Variants in TWNK observed in about 807,000 individuals in gnomAD.
TWNK encodes the protein twinkle mtDNA helicase.
In TWNK, 36 loss-of-function variants were observed where a neutral mutation model predicts 58.2. The observed-to-expected ratio is 0.62, with a 90% CI of 0.47 to 0.82. TWNK has a LOEUF of 0.82. TWNK is among the 40% of genes least tolerant of loss of function. TWNK has a pLI of 0.00. For synonymous variants in TWNK, 349 were observed against 348.5 expected (o/e 1.00, Z -0.02); for missense variants, 714 against 881.0 (o/e 0.81, Z 2.40).
intron 3 of TWNK, 51 bp from the exon 4 acceptor site, chr10:100,990,818 T>C (rs1318088186): frequency 6.2e-7 from 1 of 1,605,268 alleles, no homozygotes; most frequent in Non-Finnish European, 8.5e-7. Flanking sequence ...TATGTGTATG[T>C]TCTTGTCCTT....
intron 4 of TWNK, 64 bp from the exon 5 acceptor site, chr10:100,993,126 C>A (rs537648945): frequency 6.5e-7 from 1 of 1,544,464 alleles, no homozygotes; most frequent in East Asian, 2.2e-5. Context: ...CCTGTCAGCC[C>A]CCCTTTCTGC....
In TWNK at chr10:100,987,712, G is replaced by A. The variant is rs1444400102; in HGVS notation, c.-499G>A. Reference sequence around the variant, plus strand: ...AGACTGGCATTCCTTTGGGCCGGGGGATTGGCGGGAGTCGTGCTGGGTGCT... The same window carrying A: ...AGACTGGCATTCCTTTGGGCCGGGGAATTGGCGGGAGTCGTGCTGGGTGCT... On this transcript the variant is annotated 5_prime_UTR_variant, in exon 1 of 5. Transcript: ENST00000311916. 2 of 589,748 alleles carry A rather than the reference G, an allele frequency of 3.4e-6. No homozygotes were observed. Among genetic ancestry groups the A allele is most frequent in the Non-Finnish European group, 6.0e-6 (2 of 334,256 alleles). The allele number at this position is 589,748 out of a possible 1,614,324, so 36.5% of individuals were successfully genotyped here.
At chr10:100,990,833 G>A (rs1186250048) in intron 3 of TWNK, 36 bp from the exon 4 acceptor site, 1 of 1,612,708 alleles carries the variant, frequency 6.2e-7, no homozygotes, top group South Asian at 1.1e-5. Flanking sequence ...GTCCTTCTGT[G>A]TCTGATAAGC....
At chr10:100,993,047 A>T in intron 4 of TWNK, 143 bp from the exon 5 acceptor site, 3 of 863,854 alleles carry the variant, frequency 3.5e-6, no homozygotes, top group Non-Finnish European at 5.7e-6. Context: ...CGGCCTCCCA[A>T]AGTTCTGGGA....
Position 100,988,092 on chromosome 10 carries a change from C to A in TWNK, c.-119C>A. The A allele has an allele frequency of 8.7e-7, 1 of 1,144,082 alleles. No homozygotes were observed. The highest frequency in any genetic ancestry group is 1.3e-6 in the Non-Finnish European group (1 of 756,598). 70.9% of individuals were successfully genotyped at this position (1,144,082 alleles called of 1,614,324 possible). The stretch of plus-strand genomic sequence containing the variant: ...GAGAAATTCATGGAGAGAAAGAATG[C>A]ACCTAGAGTGAGCTCTGCAGAGTGC... On this transcript the variant is annotated 5_prime_UTR_variant, in exon 1 of 5. Transcript: ENST00000311916. This position sits in a 1 kb window ranked among gnomAD's most constrained non-coding sequence, Gnocchi z 5.2.
chr10:100,988,049 C>A lies in TWNK; in HGVS notation c.-162C>A. ...GATGGGCATATGTGTGAAGCAGCAA[C>A]GTAGAGGGGCTGAAGAGGAGAAATT... is the stretch of plus-strand genomic sequence containing the variant. On this transcript the variant is annotated 5_prime_UTR_variant, in exon 1 of 5. Coordinates refer to ENST00000311916, the MANE Select transcript of TWNK (RefSeq NM_021830.5). This position sits in a 1 kb window ranked among gnomAD's most constrained non-coding sequence, Gnocchi z 5.2. 1.2e-6 allele frequency: 1 copy of A among 840,666 alleles called. No individual in the cohort carries two copies. Among genetic ancestry groups the A allele is most frequent in the Non-Finnish European group, 2.0e-6 (1 of 505,306 alleles). The allele number at this position is 840,666 out of a possible 1,614,324, so 52.1% of individuals were successfully genotyped here.
chr10:100,988,730 C>G lies in TWNK; in HGVS notation c.520C>G (p.Gln174Glu), dbSNP rs757316627. ...LWELPDQEEV[Q>E]LADTMFGLTK... ...GGAGCTGCCTGATCAGGAGGAGGTT[C>G]AGCTGGCTGATACAATGTTTGGCCT... Residue 174 changes from glutamine to glutamate, a missense_variant, in exon 1 of 5, where the codon CAG becomes GAG. Gln to Glu is a conservative substitution (Grantham distance 29, BLOSUM62 2). Transcript: ENST00000311916. The surrounding 1 kb of genome is among the most constrained non-coding windows in gnomAD (Gnocchi z 5.2). 1.9e-6 allele frequency: 3 copies of G among 1,614,042 alleles called. No homozygotes were observed. Among genetic ancestry groups the G allele is most frequent in the Non-Finnish European group, 2.5e-6 (3 of 1,180,046 alleles).
In TWNK at chr10:100,993,656, G is replaced by A. The variant is rs1590025643; in HGVS notation, c.*146G>A. 1.1e-6 allele frequency: 1 copy of A among 891,988 alleles called. No individual in the cohort carries two copies. Among genetic ancestry groups the A allele is most frequent in the African/African-American group, 1.7e-5 (1 of 59,920 alleles). The allele number at this position is 891,988 out of a possible 1,614,324, so 55.3% of individuals were successfully genotyped here. A position where few individuals can be genotyped will look rare whatever the true frequency, so the allele number is the denominator to read the frequency against. ...AACCTAGAGCAGGTTTCCATAGTGA[G>A]AAAATTCAATGTAGCAGACTACTGA... On this transcript the variant is annotated 3_prime_UTR_variant, in exon 5 of 5. Transcript: ENST00000311916.
In TWNK at chr10:100,987,981, G is replaced by A; in HGVS notation, c.-230G>A. 3.1e-6 allele frequency: 2 copies of A among 643,182 alleles called. No individual in the cohort carries two copies. Among genetic ancestry groups the A allele is most frequent in the Non-Finnish European group, 2.8e-6 (1 of 356,144 alleles). The allele number at this position is 643,182 out of a possible 1,614,324, so 39.8% of individuals were successfully genotyped here. A position where few individuals can be genotyped will look rare whatever the true frequency, so the allele number is the denominator to read the frequency against. ...AACTAACTAACGGACCATAGAGGTG[G>A]GGGAGCCATTGTAGAAGGACGTGGA... is the stretch of plus-strand genomic sequence containing the variant. On this transcript the variant is annotated 5_prime_UTR_variant, in exon 1 of 5. Transcript: ENST00000311916.
At position 100,987,842 on chromosome 10, in the gene TWNK, A is replaced by G; in HGVS notation, c.-369A>G. ...AAAAAGGATGCAGATGACTATAGAA[A>G]TGAGGACGACGAGGAGATGCTGTGG... On this transcript the variant is annotated 5_prime_UTR_variant, in exon 1 of 5. The change abolishes an upstream ATG in the 5' untranslated region. Transcript: ENST00000311916. The G allele has an allele frequency of 5.0e-6, 3 of 594,924 alleles. No individual in the cohort carries two copies. The highest frequency in any genetic ancestry group is 3.1e-5 in the Admixed American group (1 of 32,684). 36.9% of individuals were successfully genotyped at this position (594,924 alleles called of 1,614,324 possible).
Position 100,993,384 on chromosome 10 carries a change from T to A in TWNK, c.1929T>A (p.Asp643Glu). 5.0e-6 allele frequency: 8 copies of A among 1,614,180 alleles called. No individual in the cohort carries two copies. The highest frequency in any genetic ancestry group is 6.8e-6 in the Non-Finnish European group (8 of 1,180,034). The stretch of plus-strand genomic sequence containing the variant: ...AGGCCCGGCTCAAGAAGATCAAGGA[T>A]GACACTGGACCAGTGGCCAAAAAGC... ...KNKARLKKIK[D>E]DTGPVAKKPS... Residue 643 changes from aspartate (D) to glutamate (E), a missense_variant, in exon 5 of 5, where the codon GAT (aspartate) becomes GAA (glutamate). Coordinates refer to ENST00000311916, the MANE Select transcript of TWNK (RefSeq NM_021830.5).
At chr10:100,993,044 C>T in intron 4 of TWNK, 146 bp from the exon 5 acceptor site, 1 of 847,774 alleles carries the variant, frequency 1.2e-6, no homozygotes, top group Non-Finnish European at 2.0e-6. Context: ...ACTCGGCCTC[C>T]CAAAGTTCTG....
Position 100,988,767 on chromosome 10 carries a change from C to T in TWNK, c.557C>T (p.Thr186Ile). The T allele has an allele frequency of 1.2e-6, 2 of 1,614,160 alleles. No homozygotes were observed. Among genetic ancestry groups the T allele is most frequent in the Non-Finnish European group, 1.7e-6 (2 of 1,180,020 alleles). ...ADTMFGLTKV[T>I]DDTLKRFSVR... ...ACAATGTTTGGCCTTACCAAGGTTA[C>T]AGATGACACACTCAAGCGTTTCAGT... Residue 186 changes from threonine (T) to isoleucine (I), a missense_variant, in exon 1 of 5, where the codon ACA becomes ATA. Physicochemically the swap from Thr to Ile is moderately conservative, Grantham distance 89. Around this residue, in one of 3 missense-constraint regions of TWNK, gnomAD observed 348 missense variants for 388.4 expected, o/e 0.90. Coordinates refer to ENST00000311916, the MANE Select transcript of TWNK (RefSeq NM_021830.5). This position sits in a 1 kb window ranked among gnomAD's most constrained non-coding sequence, Gnocchi z 5.2.
At chr10:100,991,296 T>C in intron 4 of TWNK, 1 of 488,516 alleles carries the variant, frequency 2.0e-6, no homozygotes, top group Non-Finnish European at 3.7e-6. Flanking sequence ...CACAAGTATT[T>C]GGAGAGCAAA....
At chr10:100,992,588 T>G (rs57066921) in intron 4 of TWNK, among the ~76,000 whole-genome samples, 6,712 of 143,040 alleles carry the variant, frequency 0.047, 324 homozygotes, top group African/African-American at 0.13. Context: ...ACATTTAGAC[T>G]GAGACCTAAA....
In TWNK at chr10:100,988,799, T is replaced by C; in HGVS notation, c.589T>C (p.Tyr197His). 6.2e-7 allele frequency: 1 copy of C among 1,614,220 alleles called. No individual in the cohort carries two copies. The highest frequency in any genetic ancestry group is 8.5e-7 in the Non-Finnish European group (1 of 1,180,036). The change falls in exon 1 of 5, where the codon TAT becomes CAT. Residue 197 changes from tyrosine to histidine, a missense_variant. Tyr to His is a moderately conservative substitution (Grantham distance 83). Transcript: ENST00000311916. The surrounding 1 kb of genome is among the most constrained non-coding windows in gnomAD (Gnocchi z 5.2). ...DDTLKRFSVRYLRPARSLVFP... is the reference protein window; with the variant it reads ...DDTLKRFSVRHLRPARSLVFP... ...CACACTCAAGCGTTTCAGTGTGCGA[T>C]ATCTGCGACCTGCTCGCAGTCTTGT...
At chr10:100,992,160 A>G (rs1299689560) in intron 4 of TWNK, among the ~76,000 whole-genome samples, 5 of 144,400 alleles carry the variant, frequency 3.5e-5, no homozygotes, top group African/African-American at 1.3e-4. Context: ...CCGTGCTCAC[A>G]CCACTGCACT....
chr10:100,990,593 A>G, intron 3 of TWNK, 50 bp downstream of exon 3: 1 of 1,613,078 alleles, frequency 6.2e-7, no homozygotes, highest in Non-Finnish European at 8.5e-7. Context: ...TGGACATACA[A>G]CACACACTTC....
chr10:100,993,541 C>T lies in TWNK; in HGVS notation c.*31C>T, dbSNP rs1231100416. On this transcript the variant is annotated 3_prime_UTR_variant, in exon 5 of 5. Coordinates refer to ENST00000311916, the MANE Select transcript of TWNK (RefSeq NM_021830.5). ...GTGCAGAGCTGGTCACTGAAATGAG[C>T]CTGATAGGATAGGCTGGAGCATAAA... 1 of 1,610,522 alleles carries T rather than the reference C, an allele frequency of 6.2e-7. No individual in the cohort carries two copies. The highest frequency in any genetic ancestry group is 1.1e-5 in the South Asian group (1 of 90,950).
Sources: gnomAD v4.1 joint callset for allele counts (sites outside exome capture counted in the v4.1 genomes callset) on GRCh38, gnomAD v4.1.1 for gene constraint, gnomAD v4.1.1 regional missense constraint, Gnocchi (gnomAD v3.1) non-coding constraint, MANE v1.5 for transcripts, NCBI Gene and HGNC (gene_info 2026-07-23, HGNC 2026-07-21) for gene names.